The following VTA1 variants were observed in gnomAD, a reference collection of about 807,000 sequenced individuals.
The protein encoded by VTA1 is vacuolar protein sorting-associated protein VTA1 homolog.
In VTA1, 24 loss-of-function variants were observed where a neutral mutation model predicts 36.9. The observed-to-expected ratio is 0.65, with a 90% CI of 0.47 to 0.91. VTA1 has a LOEUF of 0.91. Ranked by LOEUF, VTA1 falls within the 40% of genes least tolerant of loss-of-function variation. VTA1 has a pLI of 0.00. For synonymous variants in VTA1, 142 were observed against 130.2 expected (o/e 1.09, Z -0.62); for missense variants, 393 against 377.2 (o/e 1.04, Z -0.35).
Position 142,219,876 on chromosome 6 carries a change from A to G in VTA1, c.*1233A>G, listed in dbSNP as rs760833451. ...TAAAGTTTCTTTGAAACAAGCCTAC[A>G]CTCATTCATTTATGTTTTGTCTGTG... On this transcript the variant is annotated 3_prime_UTR_variant, in exon 8 of 8. Coordinates refer to ENST00000367630, the MANE Select transcript of VTA1 (RefSeq NM_016485.5). 5 of 152,102 alleles carry G rather than the reference A, an allele frequency of 3.3e-5. No individual in the cohort carries two copies. The highest frequency in any genetic ancestry group is 6.5e-5 in the Admixed American group (1 of 15,274). 9.4% of individuals were successfully genotyped at this position (152,102 alleles called of 1,614,324 possible). A position where few individuals can be genotyped will look rare whatever the true frequency, so the allele number is the denominator to read the frequency against.
intron 5 of VTA1, among the ~76,000 whole-genome samples, chr6:142,197,969 C>T (rs1242101636): frequency 5.4e-5 from 8 of 148,652 alleles, no homozygotes; most frequent in East Asian, 3.9e-4. Context: ...TGGTGGCAGG[C>T]GCCTGTAGTC....
chr6:142,200,850 T>C (rs140511776), intron 6 of VTA1, among the ~76,000 whole-genome samples: 160 of 152,088 alleles, frequency 1.1e-3, no homozygotes, highest in African/African-American at 3.8e-3. Context: ...CCTATCATAT[T>C]TTATACACTC....
intron 1 of VTA1, among the ~76,000 whole-genome samples, chr6:142,151,524 A>G (rs1356470747): frequency 2.0e-5 from 3 of 152,248 alleles, no homozygotes; most frequent in South Asian, 4.1e-4. Flanking sequence ...TTGCTATTTT[A>G]TAATTAGAAT....
At chr6:142,147,475 G>A (rs1263565306) in intron 1 of VTA1, 76 bp downstream of exon 1, 1 of 1,420,394 alleles carries the variant, frequency 7.0e-7, no homozygotes. Context: ...TGAGGTTCTT[G>A]GGGCATGCCC....
intron 1 of VTA1, among the ~76,000 whole-genome samples, chr6:142,162,471 T>A (rs374801072): frequency 4.6e-5 from 7 of 152,176 alleles, no homozygotes; most frequent in African/African-American, 1.7e-4. Context: ...CAGTGTACAT[T>A]TAGATCATGA....
chr6:142,167,268 A>C (rs1464886616), intron 2 of VTA1, among the ~76,000 whole-genome samples: 1 of 152,196 alleles, frequency 6.6e-6, no homozygotes, highest in Non-Finnish European at 1.5e-5. Flanking sequence ...CAACCTTAGT[A>C]GTCACACTTA....
At chr6:142,181,800 G>A (rs953252625) in intron 4 of VTA1, among the ~76,000 whole-genome samples, 15 of 151,746 alleles carry the variant, frequency 9.9e-5, no homozygotes, top group Non-Finnish European at 2.9e-5. Context: ...TTATGATTTG[G>A]GGGGTATAGT....
chr6:142,148,152 TAAAAC>T (rs1778492976), intron 1 of VTA1, among the ~76,000 whole-genome samples: 1 of 152,226 alleles, frequency 6.6e-6, no homozygotes, highest in Non-Finnish European at 1.5e-5. Flanking sequence ...TTACTGCAAA[TAAAAC>T]AAGTAACTGG....
intron 4 of VTA1, among the ~76,000 whole-genome samples, chr6:142,181,741 T>C (rs1186916959): frequency 6.6e-6 from 1 of 152,250 alleles, no homozygotes; most frequent in South Asian, 2.1e-4. Flanking sequence ...TGTTATGATA[T>C]TTTAAAAATA....
intron 4 of VTA1, among the ~76,000 whole-genome samples, chr6:142,188,563 A>T (rs2114664123): frequency 6.6e-6 from 1 of 152,142 alleles, no homozygotes; most frequent in African/African-American, 2.4e-5. Flanking sequence ...CGTATAAATC[A>T]CCTGGTGGTC....
intron 7 of VTA1, among the ~76,000 whole-genome samples, chr6:142,204,657 TATTTAAAA>T (rs1411641423): frequency 0.031 from 180 of 5,818 alleles, 1 homozygote; most frequent in African/African-American, 0.23. Flanking sequence ...AATCCTTTTA[TATTTAAAA>T]GGATTTAAAT....
At chr6:142,169,069 G>A (rs572458428) in intron 2 of VTA1, among the ~76,000 whole-genome samples, 1 of 152,022 alleles carries the variant, frequency 6.6e-6, no homozygotes, top group African/African-American at 2.4e-5. Flanking sequence ...GTGCCCGGCC[G>A]AGAGATATTA....
At chr6:142,171,212 A>C (rs990190076) in intron 4 of VTA1, among the ~76,000 whole-genome samples, 2 of 152,224 alleles carry the variant, frequency 1.3e-5, no homozygotes, top group East Asian at 3.9e-4. Context: ...CTCCTGCCTC[A>C]GTCTCCCTAG....
intron 1 of VTA1, among the ~76,000 whole-genome samples, chr6:142,165,275 A>G (rs916687724): frequency 1.3e-5 from 2 of 152,160 alleles, no homozygotes; most frequent in Non-Finnish European, 2.9e-5. Context: ...ACAATGGTGT[A>G]TTGATACTTT....
chr6:142,205,829 A>C (rs1257767217), intron 7 of VTA1, among the ~76,000 whole-genome samples: 1 of 152,156 alleles, frequency 6.6e-6, no homozygotes, highest in Non-Finnish European at 1.5e-5. Context: ...AAAACATCTA[A>C]TTTTGATATT....
intron 1 of VTA1, among the ~76,000 whole-genome samples, chr6:142,158,570 T>C (rs1162676024): frequency 6.6e-6 from 1 of 152,228 alleles, no homozygotes; most frequent in Non-Finnish European, 1.5e-5. Flanking sequence ...CTGGATCTTA[T>C]GTTTTTATCC....
At chr6:142,180,726 A>C (rs1046725209) in intron 4 of VTA1, among the ~76,000 whole-genome samples, 1 of 152,170 alleles carries the variant, frequency 6.6e-6, no homozygotes, top group Non-Finnish European at 1.5e-5. Flanking sequence ...TCCTAATAAG[A>C]TGATCTGAAA....
At chr6:142,214,117 T>C (rs1228124922) in intron 7 of VTA1, among the ~76,000 whole-genome samples, 1 of 152,222 alleles carries the variant, frequency 6.6e-6, no homozygotes, top group Non-Finnish European at 1.5e-5. Context: ...GCCTACACTT[T>C]TAGAAACAGT....
At chr6:142,148,367 A>G (rs1261514577) in intron 1 of VTA1, among the ~76,000 whole-genome samples, 6 of 152,130 alleles carry the variant, frequency 3.9e-5, no homozygotes, top group Non-Finnish European at 8.8e-5. Context: ...TTTTTCTTGC[A>G]CTTGGCAAAC....
Sources: allele counts gnomAD v4.1 joint callset (sites outside exome capture counted in the v4.1 genomes callset), GRCh38; gene constraint gnomAD v4.1.1; transcripts MANE v1.5; gene names NCBI Gene and HGNC (gene_info 2026-07-23, HGNC 2026-07-21).